Variants in BBX observed in about 807,000 individuals in gnomAD.
The protein encoded by BBX is HMG box transcription factor BBX.
In BBX, 30 loss-of-function variants were observed where a neutral mutation model predicts 100.2. The ratio of observed to expected loss-of-function variants is 0.30; its 90% CI spans 0.22 to 0.41. The LOEUF is 0.41. Ranked by LOEUF, BBX falls within the 10% of genes least tolerant of loss-of-function variation. The pLI is 1.00. For missense variants in BBX, 1,023 were observed against 1,129.8 expected, an observed-to-expected ratio of 0.91 and a Z score of 1.35; for synonymous variants, 376 against 388.1, an observed-to-expected ratio of 0.97 and a Z score of 0.37.
At chr3:107,797,337 A>ATATATATATATATATATATATATATAT (rs2069789795) in intron 15 of BBX, among the ~76,000 whole-genome samples, 1 of 39,346 alleles carries the variant, frequency 2.5e-5, no homozygotes, top group Non-Finnish European at 5.4e-5. Flanking sequence ...TTTTCTTCCA[A>ATATATATATATATATATATATATATAT]ATATATATAT....
At position 107,654,028 on chromosome 3, in the gene BBX, CTA is replaced by C. The variant is rs2057996874; in HGVS notation, c.-10+8121_-10+8122del. Among the ~76,000 whole-genome samples, 3 of 152,140 alleles carry C rather than the reference CTA, an allele frequency of 2.0e-5. 1 individual carries two copies. In the South Asian group the frequency reaches 6.2e-4, roughly 32 times the overall value. On this transcript the variant is annotated intron_variant, in intron 3 of 17. Transcript: ENST00000325805. ...CCTTCAATAGAGTTTTTGAATACCA[CTA>C]TGTTTTCAGCATTGTTAGAGTTACC...
chr3:107,801,780 C>T (rs7622635), intron 17 of BBX, among the ~76,000 whole-genome samples: 146,836 of 152,208 alleles, frequency 0.96, 71,019 homozygotes, highest in Middle Eastern at 1. Flanking sequence ...GGTGTTGGTG[C>T]CATCACCAGC....
At chr3:107,732,836 A>G in intron 6 of BBX, 120 bp from the exon 7 acceptor site, 1 of 794,260 alleles carries the variant, frequency 1.3e-6, no homozygotes, top group Non-Finnish European at 2.0e-6. Flanking sequence ...GTTTTTATAA[A>G]AAGTTATATG....
chr3:107,603,158 G>A (rs532051496), intron 2 of BBX, among the ~76,000 whole-genome samples: 168 of 152,044 alleles, frequency 1.1e-3, no homozygotes, highest in African/African-American at 3.7e-3. Flanking sequence ...TAGAGACGGG[G>A]TTTCACCCTG....
intron 2 of BBX, among the ~76,000 whole-genome samples, chr3:107,613,573 G>C (rs1333547443): frequency 6.6e-6 from 1 of 151,830 alleles, no homozygotes; most frequent in Non-Finnish European, 1.5e-5. Context: ...ATAATTACTA[G>C]TAGAATTAGT....
intron 3 of BBX, among the ~76,000 whole-genome samples, chr3:107,698,817 C>G (rs2060845760): frequency 6.6e-6 from 1 of 151,702 alleles, no homozygotes; most frequent in Admixed American, 6.6e-5. Flanking sequence ...ATCTGCAATA[C>G]TTAGAAACTA....
chr3:107,798,834 C>CA (rs2070050515), intron 16 of BBX, 114 bp downstream of exon 16: 14 of 722,856 alleles, frequency 1.9e-5, no homozygotes, highest in South Asian at 7.0e-5. Context: ...AGCCAATGAG[C>CA]TAAAAAAAAA....
At chr3:107,799,460 A>G (rs929028850) in intron 16 of BBX, among the ~76,000 whole-genome samples, 2 of 152,176 alleles carry the variant, frequency 1.3e-5, no homozygotes, top group African/African-American at 2.4e-5. Flanking sequence ...CTGAATTCCT[A>G]GAAAAGAAAG....
intron 2 of BBX, among the ~76,000 whole-genome samples, chr3:107,608,377 A>T (rs563916265): frequency 1.3e-5 from 2 of 152,090 alleles, no homozygotes; most frequent in Non-Finnish European, 2.9e-5. Context: ...TGAGTTCACC[A>T]TAGATGTATG....
At chr3:107,612,831 G>A (rs904109498) in intron 2 of BBX, among the ~76,000 whole-genome samples, 1 of 152,210 alleles carries the variant, frequency 6.6e-6, no homozygotes, top group African/African-American at 2.4e-5. Context: ...TCTGTTCAGG[G>A]TGGCAAATTC....
chr3:107,636,379 A>G (rs1004618083), intron 2 of BBX, among the ~76,000 whole-genome samples: 2 of 152,224 alleles, frequency 1.3e-5, no homozygotes, highest in African/African-American at 4.8e-5. Flanking sequence ...AAAAGCATAC[A>G]TGTCTATAAT....
At position 107,744,977 on chromosome 3, in the gene BBX, G is replaced by A. The variant is rs118142407; in HGVS notation, c.750+267G>A. On this transcript the variant is annotated intron_variant, in intron 8 of 17. Coordinates refer to ENST00000325805, the MANE Select transcript of BBX (RefSeq NM_001142568.3). ...ACTAATTTTTACTCATGGATAGTAAGGTTAAGAATATATTGAATTACTATT... is the reference window on the plus strand; with the variant it reads ...ACTAATTTTTACTCATGGATAGTAAAGTTAAGAATATATTGAATTACTATT... 3.5e-4 allele frequency among the ~76,000 whole-genome samples: 53 copies of A among 152,230 alleles called. No homozygotes were observed. The East Asian group carries it at 8.5e-3, about 24-fold the overall frequency.
intron 2 of BBX, among the ~76,000 whole-genome samples, chr3:107,545,908 GC>G (rs2049201644): frequency 6.6e-6 from 1 of 152,154 alleles, no homozygotes; most frequent in Non-Finnish European, 1.5e-5. Flanking sequence ...TTGAAATGGT[GC>G]TCTCTTACTA....
In BBX at chr3:107,805,894, ATATTCT is replaced by A. The variant is rs1406110867; in HGVS notation, c.*440_*445del. ...GACGCACTGCACTAGTTATTATTAG[ATATTCT>A]TAGTCTTTTTTGTACATGGAGATTT... On this transcript the variant is annotated 3_prime_UTR_variant, in exon 18 of 18. Transcript: ENST00000325805. The A allele has an allele frequency of 6.1e-6, 1 of 164,454 alleles. No homozygotes were observed. Among genetic ancestry groups the A allele is most frequent in the Non-Finnish European group, 1.3e-5 (1 of 75,942 alleles). 10.2% of individuals were successfully genotyped at this position (164,454 alleles called of 1,614,324 possible). A position where few individuals can be genotyped will look rare whatever the true frequency, so the allele number is the denominator to read the frequency against.
chr3:107,675,675 T>C (rs2059245063), intron 3 of BBX, among the ~76,000 whole-genome samples: 1 of 152,210 alleles, frequency 6.6e-6, no homozygotes. Context: ...ATTCTGTTAC[T>C]ATTTGGGGAA....
At chr3:107,775,515 T>C (rs1282800457) in intron 12 of BBX, among the ~76,000 whole-genome samples, 1 of 152,174 alleles carries the variant, frequency 6.6e-6, no homozygotes, top group Non-Finnish European at 1.5e-5. Flanking sequence ...CAATACTTTA[T>C]ACTGGTGAGG....
intron 2 of BBX, among the ~76,000 whole-genome samples, chr3:107,553,951 TTTCTTCTGGATTC>T (rs1251284228): frequency 6.6e-6 from 1 of 152,256 alleles, no homozygotes; most frequent in African/African-American, 2.4e-5. Flanking sequence ...TGTGTTTTTT[TTTCTTCTGGATTC>T]TCCAGATAAG....
chr3:107,633,001 C>G (rs2056640900), intron 2 of BBX, among the ~76,000 whole-genome samples: 1 of 152,024 alleles, frequency 6.6e-6, no homozygotes, highest in Non-Finnish European at 1.5e-5. Context: ...CATAGAGAAG[C>G]CTTGTAGTTG....
chr3:107,610,277 T>A (rs1008539115), intron 2 of BBX, among the ~76,000 whole-genome samples: 5 of 152,082 alleles, frequency 3.3e-5, no homozygotes, highest in African/African-American at 4.8e-5. Flanking sequence ...TGGCCTAAGA[T>A]ATGGTTTATT....
Sources: gnomAD v4.1 joint callset for allele counts (sites outside exome capture counted in the v4.1 genomes callset) on GRCh38, gnomAD v4.1.1 for gene constraint, MANE v1.5 for transcripts, NCBI Gene and HGNC (gene_info 2026-07-23, HGNC 2026-07-21) for gene names.